CRPPA: variants seen among roughly 807,000 people sequenced by gnomAD.
CRPPA encodes the protein CDP-L-ribitol pyrophosphorylase A, also known as D-ribitol-5-phosphate cytidylyltransferase.
A neutral mutation model predicts 52.0 loss-of-function variants in CRPPA; 43 were observed. That is an observed-to-expected ratio of 0.83 (90% CI 0.65 to 1.07). CRPPA has a LOEUF of 1.07. CRPPA is among the 50% of genes least tolerant of loss of function. CRPPA has a pLI of 0.00. For missense variants in CRPPA, 629 were observed against 551.7 expected (o/e 1.14, Z -1.40); for synonymous variants, 250 against 203.5 (o/e 1.23, Z -1.94).
chr7:16,200,907 A>T (rs1430194473), intron 9 of CRPPA, among the ~76,000 whole-genome samples: 3 of 152,204 alleles, frequency 2.0e-5, no homozygotes, highest in African/African-American at 7.2e-5. Context: ...TACCACATAC[A>T]CTGAATTCTT....
intron 9 of CRPPA, among the ~76,000 whole-genome samples, chr7:16,149,843 G>A (rs1220103136): frequency 2.6e-5 from 4 of 151,848 alleles, no homozygotes; most frequent in East Asian, 1.9e-4. Flanking sequence ...AATATTAGCC[G>A]AGCGTGGCAG....
rs1038160231 is a variant in CRPPA at position 16,133,855 on chromosome 7, A to G, written c.1252-42056T>C. Among the ~76,000 whole-genome samples, 5 of 125,294 alleles carry G rather than the reference A, an allele frequency of 4.0e-5. 1 individual carries two copies. Among genetic ancestry groups the G allele is most frequent in the African/African-American group, 1.3e-4 (5 of 38,670 alleles). The allele number at this position is 125,294 out of a possible 152,430, so 82.2% of individuals were successfully genotyped here. On this transcript the variant is annotated intron_variant, in intron 9 of 9. Transcript: ENST00000407010. ...CATCTTGTAAAGAAAGAGATGAGGTAAACTTACCATATCAACAAATACAGT... is the reference window on the plus strand; with the variant it reads ...CATCTTGTAAAGAAAGAGATGAGGTGAACTTACCATATCAACAAATACAGT...
chr7:16,320,735 G>A (rs548284952), intron 3 of CRPPA, among the ~76,000 whole-genome samples: 3 of 152,184 alleles, frequency 2.0e-5, no homozygotes, highest in South Asian at 2.1e-4. Flanking sequence ...ACCTGCATCC[G>A]ATTTATCACC....
At chr7:16,420,254 A>G (rs1259866920) in intron 1 of CRPPA, among the ~76,000 whole-genome samples, 1 of 152,220 alleles carries the variant, frequency 6.6e-6, no homozygotes, top group African/African-American at 2.4e-5. Flanking sequence ...CACTGGCTTC[A>G]GAGAAGTTCA....
Position 16,180,093 on chromosome 7 carries a change from G to A in CRPPA, c.1251+35973C>T, listed in dbSNP as rs1384744234. On this transcript the variant is annotated intron_variant, in intron 9 of 9. Coordinates refer to ENST00000407010, the MANE Select transcript of CRPPA (RefSeq NM_001101426.4). ...TTTTATTTCAGTGGTATGCTATGAT[G>A]ATAATTTTGTATATATTCTTGTACG... Among the ~76,000 whole-genome samples, 3 of 152,054 alleles carry A rather than the reference G, an allele frequency of 2.0e-5. No individual in the cohort carries two copies. In the East Asian group the frequency reaches 5.8e-4, roughly 29 times the overall value.
At chr7:16,279,282 T>G (rs1425555152) in intron 5 of CRPPA, among the ~76,000 whole-genome samples, 1 of 152,156 alleles carries the variant, frequency 6.6e-6, no homozygotes, top group African/African-American at 2.4e-5. Context: ...AATAGGTTAT[T>G]GAAAATAATA....
chr7:16,125,512 A>G, intron 9 of CRPPA, among the ~76,000 whole-genome samples: 1 of 152,158 alleles, frequency 6.6e-6, no homozygotes, highest in East Asian at 1.9e-4. Flanking sequence ...TGAGTCAACT[A>G]GAGAGTAATC....
At chr7:16,313,481 AG>A (rs1785079553) in intron 3 of CRPPA, among the ~76,000 whole-genome samples, 1 of 151,922 alleles carries the variant, frequency 6.6e-6, no homozygotes, top group Admixed American at 6.6e-5. Flanking sequence ...ATCTTGTCAA[AG>A]AACCAGATTT....
intron 9 of CRPPA, among the ~76,000 whole-genome samples, chr7:16,212,670 G>A (rs1162141081): frequency 3.3e-5 from 5 of 152,110 alleles, no homozygotes; most frequent in South Asian, 2.1e-4. Context: ...TATGTATAAC[G>A]CATCTCTGGA....
chr7:16,227,383 A>G (rs895341085), intron 8 of CRPPA, among the ~76,000 whole-genome samples: 1 of 151,718 alleles, frequency 6.6e-6, no homozygotes, highest in Admixed American at 6.6e-5. Context: ...CCTTTTCTCC[A>G]TATTCTTGTC....
intron 8 of CRPPA, among the ~76,000 whole-genome samples, chr7:16,240,707 C>T (rs1783081531): frequency 6.6e-6 from 1 of 152,058 alleles, no homozygotes; most frequent in African/African-American, 2.4e-5. Flanking sequence ...ATAGCCAGCT[C>T]TTTTGTTTGA....
At chr7:16,244,711 C>T (rs1158616741) in intron 8 of CRPPA, among the ~76,000 whole-genome samples, 1 of 152,090 alleles carries the variant, frequency 6.6e-6, no homozygotes, top group Non-Finnish European at 1.5e-5. Flanking sequence ...CATTGAAAAG[C>T]CTCATAAATG....
At chr7:16,385,868 T>A (rs959249937) in intron 2 of CRPPA, among the ~76,000 whole-genome samples, 1 of 152,122 alleles carries the variant, frequency 6.6e-6, no homozygotes, top group Non-Finnish European at 1.5e-5. Flanking sequence ...AGCACCCAGA[T>A]GGGCAGGTGC....
At chr7:16,209,461 G>C (rs748467635) in intron 9 of CRPPA, among the ~76,000 whole-genome samples, 1 of 151,744 alleles carries the variant, frequency 6.6e-6, no homozygotes, top group Non-Finnish European at 1.5e-5. Flanking sequence ...TAGTAGAGAC[G>C]GGGTTTCACA....
At chr7:16,141,245 T>C (rs1013762413) in intron 9 of CRPPA, among the ~76,000 whole-genome samples, 7 of 152,180 alleles carry the variant, frequency 4.6e-5, no homozygotes, top group African/African-American at 1.7e-4. Flanking sequence ...TATATCTTCC[T>C]AAATCCTTTA....
chr7:16,288,587 T>A (rs945722324), intron 5 of CRPPA, among the ~76,000 whole-genome samples: 1 of 151,956 alleles, frequency 6.6e-6, no homozygotes, highest in Non-Finnish European at 1.5e-5. Flanking sequence ...GGCTCACACC[T>A]GTAATCCCAG....
intron 2 of CRPPA, among the ~76,000 whole-genome samples, chr7:16,400,191 C>T (rs192877216): frequency 7.2e-5 from 11 of 152,226 alleles, no homozygotes; most frequent in South Asian, 6.2e-4. Context: ...GTGACTGACA[C>T]GATTGAAACA....
Position 16,258,492 on chromosome 7 carries a change from C to T in CRPPA, c.1027-10G>A. The T allele has an allele frequency of 1.3e-6, 2 of 1,553,756 alleles. No homozygotes were observed. The highest frequency in any genetic ancestry group is 2.4e-5 in the South Asian group (2 of 84,434). ...AATCAGAGGTTGTAACCTAAAAGAC[C>T]AGAAAAATAAAAGGATATGAGAAGA... On this transcript the variant is annotated splice_polypyrimidine_tract_variant and intron_variant, in intron 7 of 9. Transcript: ENST00000407010.
chr7:16,304,087 G>A (rs945825459), intron 4 of CRPPA, among the ~76,000 whole-genome samples: 14 of 152,062 alleles, frequency 9.2e-5, no homozygotes, highest in Non-Finnish European at 1.8e-4. Flanking sequence ...AAAAGTAAAT[G>A]GGGTCACAAA....
Sources: allele counts gnomAD v4.1 joint callset (sites outside exome capture counted in the v4.1 genomes callset), GRCh38; gene constraint gnomAD v4.1.1; transcripts MANE v1.5; gene names NCBI Gene and HGNC (gene_info 2026-07-23, HGNC 2026-07-21).